OR2L13: variants seen among roughly 807,000 people sequenced by gnomAD.
OR2L13 encodes the protein olfactory receptor family 2 subfamily L member 13, also known as olfactory receptor 2L13.
A neutral mutation model predicts 15.3 loss-of-function variants in OR2L13; 14 were observed. The observed-to-expected ratio is 0.91, with a 90% CI of 0.60 to 1.43. The LOEUF (loss-of-function observed/expected upper bound fraction) is 1.43. OR2L13 is among the 40% of genes most tolerant of loss of function. The pLI is 0.00. For synonymous variants in OR2L13, 152 were observed against 142.9 expected (o/e 1.06, Z -0.45); for missense variants, 367 against 387.9 (o/e 0.95, Z 0.45).
the OR2L13 span, among the ~76,000 whole-genome samples, chr1:247,962,737 C>T: frequency 6.6e-6 from 1 of 152,114 alleles, no homozygotes; most frequent in African/African-American, 2.4e-5. Context: ...TTTTAATTGA[C>T]TTTCTACAAA....
At chr1:247,978,038 C>T in the OR2L13 span, among the ~76,000 whole-genome samples, 2 of 152,182 alleles carry the variant, frequency 1.3e-5, no homozygotes, top group Non-Finnish European at 2.9e-5. Context: ...GCCAGCTGGA[C>T]TTCCTGGGTC....
the OR2L13 span, among the ~76,000 whole-genome samples, chr1:248,059,536 G>T: frequency 9.2e-5 from 14 of 152,268 alleles, no homozygotes; most frequent in African/African-American, 2.2e-4. Context: ...AGGCAAAAGA[G>T]AATGGATGAT....
the OR2L13 span, among the ~76,000 whole-genome samples, chr1:248,070,134 A>G: frequency 2.0e-5 from 3 of 152,204 alleles, no homozygotes; most frequent in Admixed American, 1.3e-4. Context: ...CCTAATAGAC[A>G]TCTACAGAAC....
the OR2L13 span, among the ~76,000 whole-genome samples, chr1:247,941,352 G>A: frequency 1.3e-5 from 2 of 152,060 alleles, no homozygotes; most frequent in Non-Finnish European, 2.9e-5. Flanking sequence ...GATATTGAAA[G>A]GTTTGCTCTC....
chr1:248,009,704 A>G, the OR2L13 span, among the ~76,000 whole-genome samples: 4,784 of 152,170 alleles, frequency 0.031, 227 homozygotes, highest in African/African-American at 0.11. Context: ...CCTGTCAGAG[A>G]CAAAACAGAA....
chr1:248,099,674 G>A, exon 3 of OR2L13: 2 of 1,614,074 alleles, frequency 1.2e-6, no homozygotes, highest in South Asian at 1.1e-5. Context: ...GGTGTGCAAA[G>A]CTTCTTCTTC....
chr1:247,971,293 C>A, the OR2L13 span, among the ~76,000 whole-genome samples: 8 of 152,062 alleles, frequency 5.3e-5, no homozygotes, highest in African/African-American at 1.9e-4. Flanking sequence ...TATTAGGGAG[C>A]ACCAGCCATC....
upstream of OR2L13, among the ~76,000 whole-genome samples, chr1:248,092,451 A>C (rs1237815095): frequency 6.6e-6 from 1 of 152,198 alleles, no homozygotes; most frequent in Non-Finnish European, 1.5e-5. Flanking sequence ...TTAGTAACTG[A>C]TACATCCAGA....
the OR2L13 span, chr1:247,990,343 T>C: frequency 6.6e-7 from 1 of 1,509,364 alleles, no homozygotes; most frequent in South Asian, 1.1e-5. Context: ...GGCCATTTCA[T>C]CTTCATTCTC....
At chr1:248,022,440 A>G in the OR2L13 span, 2 of 1,614,176 alleles carry the variant, frequency 1.2e-6, no homozygotes, top group Non-Finnish European at 8.5e-7. Flanking sequence ...TGCATTCCGT[A>G]TCCCATATTG....
the OR2L13 span, among the ~76,000 whole-genome samples, chr1:248,071,284 A>G: frequency 2.6e-5 from 4 of 152,114 alleles, no homozygotes; most frequent in Admixed American, 6.5e-5. Flanking sequence ...CACCATGATC[A>G]AGTGGGCTTC....
the OR2L13 span, among the ~76,000 whole-genome samples, chr1:247,989,594 T>A: frequency 6.6e-6 from 1 of 152,186 alleles, no homozygotes; most frequent in Non-Finnish European, 1.5e-5. Flanking sequence ...AAAATATAAT[T>A]TCTGGGTGAC....
chr1:247,994,171 C>T, the OR2L13 span, among the ~76,000 whole-genome samples: 16 of 152,128 alleles, frequency 1.1e-4, no homozygotes, highest in South Asian at 2.5e-3. Context: ...CCGAGGCGGG[C>T]GGATCACAGG....
the OR2L13 span, among the ~76,000 whole-genome samples, chr1:248,049,010 A>G: frequency 1.3e-5 from 2 of 149,956 alleles, no homozygotes; most frequent in Non-Finnish European, 2.9e-5. Flanking sequence ...TTATATTGTG[A>G]TGAATAATAA....
the OR2L13 span, chr1:247,939,295 C>T: frequency 1.3e-5 from 2 of 152,116 alleles, no homozygotes; most frequent in Non-Finnish European, 2.9e-5. Flanking sequence ...CATATTTTTG[C>T]TCATTCCTTT....
At chr1:247,949,944 A>G in the OR2L13 span, 1 of 554,150 alleles carries the variant, frequency 1.8e-6, no homozygotes, top group Non-Finnish European at 2.9e-6. Flanking sequence ...AAATTGTTTT[A>G]CAAATATATA....
At chr1:247,943,961 C>G in the OR2L13 span, among the ~76,000 whole-genome samples, 1 of 152,098 alleles carries the variant, frequency 6.6e-6, no homozygotes, top group Non-Finnish European at 1.5e-5. Flanking sequence ...CACGAGTGGA[C>G]TTAGTTCCCT....
the OR2L13 span, among the ~76,000 whole-genome samples, chr1:248,075,213 T>A: frequency 6.6e-6 from 1 of 152,244 alleles, no homozygotes; most frequent in Non-Finnish European, 1.5e-5. Flanking sequence ...CATTCTTTTT[T>A]ATGGCTGCAT....
At chr1:248,071,552 T>A in the OR2L13 span, among the ~76,000 whole-genome samples, 1 of 152,076 alleles carries the variant, frequency 6.6e-6, no homozygotes, top group Non-Finnish European at 1.5e-5. Context: ...AAGCATTCCC[T>A]TTGAAAACTG....
Sources: gnomAD v4.1 joint callset for allele counts (sites outside exome capture counted in the v4.1 genomes callset) on GRCh38, gnomAD v4.1.1 for gene constraint, MANE v1.5 for transcripts, NCBI Gene and HGNC (gene_info 2026-07-23, HGNC 2026-07-21) for gene names.